Variants in CDH13 observed in about 807,000 individuals in gnomAD.
CDH13 encodes cadherin-13.
A neutral mutation model predicts 63.8 loss-of-function variants in CDH13; 24 were observed. The ratio of observed to expected loss-of-function variants is 0.38; its 90% CI spans 0.27 to 0.53. CDH13 has a LOEUF of 0.53. Among genes scored for constraint, CDH13 ranks in the 20% least tolerant of loss-of-function variants. The probability of loss-of-function intolerance (pLI) is 0.85; values close to 1 mark genes in which losing one functional copy is unlikely to be tolerated. For missense variants in CDH13, 1,049 were observed against 903.1 expected, an observed-to-expected ratio of 1.16 and a Z score of -2.07; for synonymous variants, 503 against 355.3, an observed-to-expected ratio of 1.42 and a Z score of -4.67.
At chr16:83,075,823 G>A (rs2032795899) in intron 3 of CDH13, among the ~76,000 whole-genome samples, 1 of 152,284 alleles carries the variant, frequency 6.6e-6, no homozygotes, top group East Asian at 1.9e-4. Flanking sequence ...CTCTGCAAAT[G>A]GAGAGTTTGT....
intron 6 of CDH13, among the ~76,000 whole-genome samples, chr16:83,385,163 C>T (rs1299163052): frequency 6.6e-6 from 1 of 152,160 alleles, no homozygotes; most frequent in Non-Finnish European, 1.5e-5. Flanking sequence ...AAGTAAGGGA[C>T]CAAAGTATAA....
At chr16:83,325,660 A>G (rs7199818) in intron 5 of CDH13, among the ~76,000 whole-genome samples, 88,292 of 151,930 alleles carry the variant, frequency 0.58, 25,763 homozygotes, top group Middle Eastern at 0.66. Flanking sequence ...TCTATTCTAG[A>G]GTATTTTGAT....
intron 8 of CDH13, among the ~76,000 whole-genome samples, chr16:83,651,588 C>CTTTTTTTTTTTTT (rs35237670): frequency 8.0e-5 from 6 of 75,306 alleles, no homozygotes; most frequent in Non-Finnish European, 1.2e-4. Flanking sequence ...TTATTTTCCT[C>CTTTTTTTTTTTTT]TTTTTTTTTT....
At chr16:83,006,395 C>T (rs956649383) in intron 2 of CDH13, among the ~76,000 whole-genome samples, 3 of 152,208 alleles carry the variant, frequency 2.0e-5, no homozygotes, top group African/African-American at 7.2e-5. Context: ...TTTTGACTAA[C>T]ACAACTTACT....
intron 7 of CDH13, among the ~76,000 whole-genome samples, chr16:83,563,418 A>T (rs79919946): frequency 0.25 from 38,090 of 152,108 alleles, 4,703 homozygotes; most frequent in Admixed American, 0.29. Flanking sequence ...TCCTGAAAAA[A>T]GGTTAAATTT....
At chr16:83,712,443 G>A (rs1908208843) in intron 10 of CDH13, among the ~76,000 whole-genome samples, 1 of 152,170 alleles carries the variant, frequency 6.6e-6, no homozygotes, top group Non-Finnish European at 1.5e-5. Context: ...AAAAATGCAA[G>A]CAAAATAAAA....
chr16:83,761,856 C>T (rs892444779), intron 11 of CDH13, among the ~76,000 whole-genome samples: 3 of 152,116 alleles, frequency 2.0e-5, no homozygotes, highest in Non-Finnish European at 4.4e-5. Context: ...CACTTAAGGT[C>T]AGTAGTTCGA....
intron 7 of CDH13, among the ~76,000 whole-genome samples, chr16:83,488,379 G>C (rs1268110037): frequency 6.6e-6 from 1 of 151,676 alleles, no homozygotes; most frequent in Non-Finnish European, 1.5e-5. Flanking sequence ...GGCATAGAGG[G>C]AAAAAAAGGA....
intron 4 of CDH13, among the ~76,000 whole-genome samples, chr16:83,194,198 G>A (rs2038807763): frequency 6.6e-6 from 1 of 152,146 alleles, no homozygotes; most frequent in African/African-American, 2.4e-5. Flanking sequence ...TCTGGCTGCA[G>A]CCTTTGCTAG....
chr16:83,498,681 C>T (rs985240585), intron 7 of CDH13, among the ~76,000 whole-genome samples: 1 of 152,206 alleles, frequency 6.6e-6, no homozygotes, highest in Non-Finnish European at 1.5e-5. Flanking sequence ...AAAGCCCATG[C>T]ATTTTTTCTC....
chr16:83,293,659 G>A (rs1267695706), intron 5 of CDH13, among the ~76,000 whole-genome samples: 2 of 152,144 alleles, frequency 1.3e-5, no homozygotes, highest in Admixed American at 6.5e-5. Context: ...AGTGAGAAAT[G>A]TAATTATTGA....
intron 8 of CDH13, among the ~76,000 whole-genome samples, chr16:83,623,197 GC>G (rs1218480178): frequency 3.9e-5 from 6 of 152,134 alleles, no homozygotes; most frequent in Non-Finnish European, 8.8e-5. Context: ...GAGAGGTGGG[GC>G]CAGGGCTGGG....
intron 6 of CDH13, among the ~76,000 whole-genome samples, chr16:83,440,653 C>T (rs538299380): frequency 2.1e-4 from 32 of 152,052 alleles, no homozygotes; most frequent in Admixed American, 6.6e-4. Flanking sequence ...AGCATAGTGG[C>T]GCACACCCGT....
At chr16:82,689,785 T>C (rs1265161518) in intron 1 of CDH13, among the ~76,000 whole-genome samples, 1 of 151,588 alleles carries the variant, frequency 6.6e-6, no homozygotes, top group Non-Finnish European at 1.5e-5. Context: ...ATACCACAGG[T>C]TGGAGCAAAC....
In CDH13 at chr16:83,207,782, T is replaced by C. The variant is rs548310255; in HGVS notation, c.484-9563T>C. ...CTCCTTAAAAAAAAAAAAAAAAGACTGAAGCCTAGTGAAAATAACCAGAAA... is the reference window on the plus strand; with the variant it reads ...CTCCTTAAAAAAAAAAAAAAAAGACCGAAGCCTAGTGAAAATAACCAGAAA... On this transcript the variant is annotated intron_variant, in intron 4 of 13. Transcript: ENST00000567109. Among the ~76,000 whole-genome samples the C allele has an allele frequency of 4.2e-3, 605 of 143,982 alleles. 3 individuals are homozygous for C. The highest frequency in any genetic ancestry group is 0.014 in the African/African-American group (557 of 39,364). The allele number at this position is 143,982 out of a possible 152,430, so 94.5% of individuals were successfully genotyped here.
At chr16:82,780,336 C>T (rs1483784349) in intron 1 of CDH13, among the ~76,000 whole-genome samples, 3 of 152,126 alleles carry the variant, frequency 2.0e-5, no homozygotes, top group Non-Finnish European at 2.9e-5. Flanking sequence ...CCAATCTCTC[C>T]CTTGCTCTCT....
At chr16:82,656,483 C>T (rs537466677) in intron 1 of CDH13, among the ~76,000 whole-genome samples, 4 of 152,072 alleles carry the variant, frequency 2.6e-5, no homozygotes, top group African/African-American at 9.7e-5. Context: ...TCCCAAGTAC[C>T]TCCTATCCCC....
At chr16:83,493,243 A>G (rs761349669) in intron 7 of CDH13, among the ~76,000 whole-genome samples, 70 of 152,370 alleles carry the variant, frequency 4.6e-4, no homozygotes, top group Admixed American at 1.2e-3. Context: ...GAAGAAGCAG[A>G]AAGAAGTTGG....
At chr16:83,678,154 C>G in intron 9 of CDH13, 54 bp from the exon 10 acceptor site, 1 of 1,562,424 alleles carries the variant, frequency 6.4e-7, no homozygotes, top group African/African-American at 1.3e-5. Flanking sequence ...TGATGCAAAC[C>G]ACCTGCCTTT....
Sources: allele counts gnomAD v4.1 joint callset (sites outside exome capture counted in the v4.1 genomes callset), GRCh38; gene constraint gnomAD v4.1.1; transcripts MANE v1.5; gene names NCBI Gene and HGNC (gene_info 2026-07-23, HGNC 2026-07-21).